The following ELOVL6 variants were observed in gnomAD, a reference collection of about 807,000 sequenced individuals.
ELOVL6 encodes the protein very long chain fatty acid elongase 6.
In ELOVL6, 8 loss-of-function variants were observed where a neutral mutation model predicts 31.7. The ratio of observed to expected loss-of-function variants is 0.25; its 90% CI spans 0.15 to 0.45. The LOEUF (loss-of-function observed/expected upper bound fraction) is 0.45, where lower values mean the gene tolerates loss of function less well. Ranked by LOEUF, ELOVL6 falls within the 20% of genes least tolerant of loss-of-function variation. ELOVL6 has a pLI of 1.00. For synonymous variants in ELOVL6, 101 were observed against 117.7 expected (o/e 0.86, Z 0.92); for missense variants, 126 against 326.4 (o/e 0.39, Z 4.73).
chr4:110,124,620 G>C (rs183064034), intron 1 of ELOVL6, among the ~76,000 whole-genome samples: 1 of 151,996 alleles, frequency 6.6e-6, no homozygotes, highest in African/African-American at 2.4e-5. Flanking sequence ...TTAATACCTA[G>C]GTGATGGGTT....
At chr4:110,107,700 C>T (rs1279551627) in intron 1 of ELOVL6, among the ~76,000 whole-genome samples, 1 of 151,974 alleles carries the variant, frequency 6.6e-6, no homozygotes, top group African/African-American at 2.4e-5. Context: ...TGTTTATGCA[C>T]ATATAAGCAA....
intron 2 of ELOVL6, among the ~76,000 whole-genome samples, chr4:110,100,096 A>C (rs1244616289): frequency 2.6e-5 from 4 of 152,230 alleles, no homozygotes. Flanking sequence ...TCCTTGGGTT[A>C]GGTGGGATGT....
At chr4:110,167,006 T>C (rs79135072) in intron 1 of ELOVL6, among the ~76,000 whole-genome samples, 5,363 of 152,278 alleles carry the variant, frequency 0.035, 312 homozygotes, top group African/African-American at 0.12. Flanking sequence ...TGTCTGCCAA[T>C]GCTAGGACAT....
chr4:110,098,893 T>C (rs1430567494), intron 2 of ELOVL6, among the ~76,000 whole-genome samples: 1 of 152,310 alleles, frequency 6.6e-6, no homozygotes, highest in East Asian at 1.9e-4. Flanking sequence ...ATCAGTACAA[T>C]CATTGTCATC....
chr4:110,084,194 T>TTATATGATATATAACA lies in ELOVL6; in HGVS notation c.221+21302_221+21303insTGTTATATATCATATA, dbSNP rs1756072011. Among the ~76,000 whole-genome samples the TTATATGATATATAACA allele has an allele frequency of 5.3e-5, 4 of 76,080 alleles. 1 individual carries two copies. The highest frequency in any genetic ancestry group is 2.4e-4 in the African/African-American group (4 of 16,784). 49.9% of individuals were successfully genotyped at this position (76,080 alleles called of 152,430 possible). ...ATATATGATATATATAACATATAAC[T>TTATATGATATATAACA]TATATGATATATATAACATATAACT... On this transcript the variant is annotated intron_variant, in intron 2 of 3. Coordinates refer to ENST00000302274, the MANE Select transcript of ELOVL6 (RefSeq NM_024090.3).
chr4:110,119,296 A>C (rs1757274825), intron 1 of ELOVL6, among the ~76,000 whole-genome samples: 1 of 152,034 alleles, frequency 6.6e-6, no homozygotes, highest in Non-Finnish European at 1.5e-5. Flanking sequence ...TCTCCATCTC[A>C]AAAGAAAGAA....
At chr4:110,127,406 C>CAAAAAAAAAAAAAAAAAAAAAAA (rs572027886) in intron 1 of ELOVL6, among the ~76,000 whole-genome samples, 1 of 85,516 alleles carries the variant, frequency 1.2e-5, no homozygotes, top group Non-Finnish European at 2.1e-5. Flanking sequence ...GATTCCGTCT[C>CAAAAAAAAAAAAAAAAAAAAAAA]AAAAAAAAAA....
chr4:110,057,382 G>T (rs1032265686), intron 3 of ELOVL6, among the ~76,000 whole-genome samples: 10 of 152,038 alleles, frequency 6.6e-5, no homozygotes, highest in African/African-American at 2.4e-4. Context: ...GAAGTGTTCA[G>T]GGGTAGCATT....
intron 1 of ELOVL6, among the ~76,000 whole-genome samples, chr4:110,165,824 A>T (rs1758758537): frequency 6.6e-6 from 1 of 152,194 alleles, no homozygotes; most frequent in Non-Finnish European, 1.5e-5. Flanking sequence ...TTACCCATGC[A>T]TTGGAGTGAA....
rs371793852 is a variant in ELOVL6, at chr4:110,133,791, C to G, written c.90-28163G>C. On this transcript the variant is annotated intron_variant, in intron 1 of 3. Coordinates refer to ENST00000302274, the MANE Select transcript of ELOVL6 (RefSeq NM_024090.3). ...AAACTAGAGTATTTCTAAGACCTGA[C>G]TAACATTTATAGAAACAACTCACCT... Among the ~76,000 whole-genome samples, 324 of 152,250 alleles carry G rather than the reference C, an allele frequency of 2.1e-3. 1 individual carries two copies. Among genetic ancestry groups the G allele is most frequent in the African/African-American group, 7.5e-3 (312 of 41,540 alleles).
chr4:110,064,260 T>C (rs1229949743), intron 2 of ELOVL6, among the ~76,000 whole-genome samples: 2 of 152,082 alleles, frequency 1.3e-5, no homozygotes, highest in African/African-American at 4.8e-5. Flanking sequence ...GGGATCACCA[T>C]CCTGATTAGC....
intron 1 of ELOVL6, among the ~76,000 whole-genome samples, chr4:110,119,251 T>G (rs1757273648): frequency 6.6e-6 from 1 of 151,884 alleles, no homozygotes; most frequent in African/African-American, 2.4e-5. Flanking sequence ...GAGCTGAGAT[T>G]GCACCAATGC....
chr4:110,136,029 T>C (rs1002521565), intron 1 of ELOVL6, among the ~76,000 whole-genome samples: 14 of 152,302 alleles, frequency 9.2e-5, no homozygotes, highest in Non-Finnish European at 8.8e-5. Context: ...TGGGCTAATA[T>C]TGAAGGTATC....
At chr4:110,190,319 G>T (rs9994379) in intron 1 of ELOVL6, among the ~76,000 whole-genome samples, 1 of 152,162 alleles carries the variant, frequency 6.6e-6, no homozygotes, top group African/African-American at 2.4e-5. Context: ...AACTAACTCA[G>T]CAAAGGGTTT....
chr4:110,080,159 G>A (rs1755789145), intron 2 of ELOVL6, among the ~76,000 whole-genome samples: 4 of 152,108 alleles, frequency 2.6e-5, no homozygotes, highest in Admixed American at 2.6e-4. Flanking sequence ...TTCTACCAGA[G>A]GTACAAGGAG....
At chr4:110,066,116 A>G (rs1000461625) in intron 2 of ELOVL6, among the ~76,000 whole-genome samples, 1 of 152,214 alleles carries the variant, frequency 6.6e-6, no homozygotes, top group African/African-American at 2.4e-5. Flanking sequence ...GTCAAAAAAC[A>G]GCAACAGGTG....
chr4:110,070,590 GA>G (rs527932149), intron 2 of ELOVL6, among the ~76,000 whole-genome samples: 1 of 152,286 alleles, frequency 6.6e-6, no homozygotes, highest in African/African-American at 2.4e-5. Flanking sequence ...TTTCCTGGGG[GA>G]AAAAATCTCA....
chr4:110,178,230 G>GA (rs1423251485), intron 1 of ELOVL6, among the ~76,000 whole-genome samples: 1 of 151,498 alleles, frequency 6.6e-6, no homozygotes, highest in East Asian at 1.9e-4. Flanking sequence ...AATATGGTAT[G>GA]AAAACTATGA....
chr4:110,062,705 T>C (rs541123377), intron 2 of ELOVL6, among the ~76,000 whole-genome samples: 49 of 152,306 alleles, frequency 3.2e-4, no homozygotes, highest in African/African-American at 1.1e-3. Flanking sequence ...TGCTAATCAA[T>C]CTCAGCAGTC....
Sources: gnomAD v4.1 joint callset for allele counts (sites outside exome capture counted in the v4.1 genomes callset) on GRCh38, gnomAD v4.1.1 for gene constraint, MANE v1.5 for transcripts, NCBI Gene and HGNC (gene_info 2026-07-23, HGNC 2026-07-21) for gene names.